The following CFAP70 variants were observed in gnomAD, a reference collection of about 807,000 sequenced individuals.
CFAP70 encodes the protein cilia- and flagella-associated protein 70.
Under a neutral mutation model 137.6 loss-of-function variants are expected in CFAP70, and 81 were observed. That is an observed-to-expected ratio of 0.59 (90% CI 0.49 to 0.71). The LOEUF is 0.71. Among genes scored for constraint, CFAP70 ranks in the 30% least tolerant of loss-of-function variants. CFAP70 has a pLI of 0.00. For synonymous variants in CFAP70, 382 were observed against 423.6 expected (o/e 0.90, Z 1.20); for missense variants, 976 against 1,226.7 (o/e 0.80, Z 3.05).
intron 19 of CFAP70, 146 bp downstream of exon 20, chr10:73,291,080 T>C: frequency 1.5e-6 from 1 of 666,014 alleles, no homozygotes; most frequent in Non-Finnish European, 2.6e-6. Context: ...AGTGGCATGA[T>C]CACAGCTCAC....
chr10:73,279,895 AT>A (rs2131803336), intron 19 of CFAP70, among the ~76,000 whole-genome samples: 1 of 152,152 alleles, frequency 6.6e-6, no homozygotes, highest in East Asian at 1.9e-4. Flanking sequence ...ACCTTTAAAA[AT>A]TGCCGTTTAT....
chr10:73,312,667 A>T (rs778724929), intron 9 of CFAP70, 24 bp from the exon 11 acceptor site: 1 of 1,534,124 alleles, frequency 6.5e-7, no homozygotes, highest in Admixed American at 2.2e-5. Context: ...AAACAAACAA[A>T]AAAAAGCAAT....
At chr10:73,314,479 G>A (rs2050174999) in intron 9 of CFAP70, among the ~76,000 whole-genome samples, 1 of 152,146 alleles carries the variant, frequency 6.6e-6, no homozygotes, top group South Asian at 2.1e-4. Flanking sequence ...TATAATAAGA[G>A]TATTTCATAT....
At chr10:73,354,552 G>C (rs1319839150) in intron 2 of CFAP70, among the ~76,000 whole-genome samples, 182 bp downstream of exon 2, 5 of 151,976 alleles carry the variant, frequency 3.3e-5, no homozygotes, top group Non-Finnish European at 2.9e-5. Context: ...CAAATTGCCG[G>C]GTATTTGAGA....
At chr10:73,315,742 T>C (rs780715412) in intron 9 of CFAP70, among the ~76,000 whole-genome samples, 26 of 152,252 alleles carry the variant, frequency 1.7e-4, no homozygotes, top group Middle Eastern at 3.4e-3. Context: ...ACTTTTTTAT[T>C]TTTTGTAGAG....
chr10:73,282,099 GAGGCTGGGGAAGGCTGGGGA>G (rs139143992), intron 19 of CFAP70, among the ~76,000 whole-genome samples: 153 of 121,302 alleles, frequency 1.3e-3, no homozygotes, highest in Middle Eastern at 4.0e-3. Context: ...CATCCATATT[GAGGCTGGGGAAGGCTGGGGA>G]AGGCTGGGGA....
chr10:73,293,646 A>G (rs2048333544), intron 15 of CFAP70: 1 of 311,794 alleles, frequency 3.2e-6, no homozygotes, highest in Non-Finnish European at 5.9e-6. Flanking sequence ...CTTAGGGCAG[A>G]AATAACTGCC....
At chr10:73,325,852 C>G (rs1420585745) in intron 8 of CFAP70, among the ~76,000 whole-genome samples, 6 of 152,124 alleles carry the variant, frequency 3.9e-5, no homozygotes, top group Admixed American at 1.3e-4. Context: ...CCTGAGTGAC[C>G]TACAAAGAGA....
At chr10:73,270,433 CT>C (rs2046164468) in intron 24 of CFAP70, among the ~76,000 whole-genome samples, 1 of 132,038 alleles carries the variant, frequency 7.6e-6, no homozygotes, top group African/African-American at 2.9e-5. Context: ...CCTCTCCTCT[CT>C]CCTCTCCCCT....
At chr10:73,333,998 G>A (rs1270102869) in intron 7 of CFAP70, among the ~76,000 whole-genome samples, 6 of 151,846 alleles carry the variant, frequency 4.0e-5, no homozygotes, top group African/African-American at 1.2e-4. Flanking sequence ...GGTGACCAGG[G>A]GTATATAAAA....
intron 5 of CFAP70, among the ~76,000 whole-genome samples, chr10:73,343,987 G>A (rs2053500091): frequency 1.3e-5 from 2 of 148,808 alleles, no homozygotes; most frequent in African/African-American, 2.5e-5. Flanking sequence ...TTGAGATGGC[G>A]TTTCACTCGT....
chr10:73,334,461 C>A (rs1252698108), intron 7 of CFAP70, among the ~76,000 whole-genome samples: 1 of 152,108 alleles, frequency 6.6e-6, no homozygotes, highest in African/African-American at 2.4e-5. Flanking sequence ...CAGCAGCCAC[C>A]TTTGCACCAT....
At chr10:73,279,152 A>G (rs1425498980) in intron 19 of CFAP70, 1 of 152,134 alleles carries the variant, frequency 6.6e-6, no homozygotes. Context: ...CAGATTCCTG[A>G]AGCATTCCAC....
intron 12 of CFAP70, among the ~76,000 whole-genome samples, chr10:73,304,519 AC>A (rs1165143388): frequency 6.6e-6 from 1 of 152,240 alleles, no homozygotes; most frequent in African/African-American, 2.4e-5. Flanking sequence ...ATGTTTCACT[AC>A]ACAATTTACA....
intron 5 of CFAP70, among the ~76,000 whole-genome samples, chr10:73,344,069 T>C (rs992599962): frequency 1.3e-5 from 2 of 152,026 alleles, no homozygotes; most frequent in African/African-American, 4.8e-5. Context: ...TTTAAGTGGT[T>C]CTCCTGCCTC....
intron 9 of CFAP70, among the ~76,000 whole-genome samples, chr10:73,319,735 A>T (rs2050697964): frequency 6.6e-6 from 1 of 152,182 alleles, no homozygotes; most frequent in South Asian, 2.1e-4. Context: ...GTGAGCAAAC[A>T]TCAGTTTGGT....
At chr10:73,309,588 C>T (rs2049717401) in intron 12 of CFAP70, among the ~76,000 whole-genome samples, 1 of 151,760 alleles carries the variant, frequency 6.6e-6, no homozygotes, top group Non-Finnish European at 1.5e-5. Context: ...ATTCAAAGTG[C>T]TGGAATGAGC....
At chr10:73,296,935 C>G (rs2048585803) in intron 15 of CFAP70, 107 bp downstream of exon 16, 9 of 1,345,096 alleles carry the variant, frequency 6.7e-6, no homozygotes, top group Non-Finnish European at 9.2e-6. Flanking sequence ...TAGCACAGAG[C>G]AGACACTTCA....
upstream of CFAP70, chr10:73,358,961 G>A (rs1320160297): frequency 1.3e-5 from 2 of 152,166 alleles, no homozygotes; most frequent in Non-Finnish European, 2.9e-5. Flanking sequence ...AAGTGCATAG[G>A]TTTCCACCTT....
Sources: gnomAD v4.1 joint callset for allele counts (sites outside exome capture counted in the v4.1 genomes callset) on GRCh38, gnomAD v4.1.1 for gene constraint, MANE v1.5 for transcripts, NCBI Gene and HGNC (gene_info 2026-07-23, HGNC 2026-07-21) for gene names.